Variants in HTT-AS observed in about 807,000 individuals in gnomAD.
The protein encoded by HTT-AS is HTT antisense RNA (head to head).
intron 1 of HTT-AS, among the ~76,000 whole-genome samples, chr4:3,066,545 TTCCACTTTGGGG>T (rs776842864): frequency 1.3e-4 from 20 of 152,106 alleles, no homozygotes; most frequent in South Asian, 2.1e-4. Flanking sequence ...GGCAATTCCT[TTCCACTTTGGGG>T]TCCACTTTGG....
intron 2 of HTT-AS, among the ~76,000 whole-genome samples, chr4:3,053,908 T>C (rs537842783): frequency 5.3e-5 from 8 of 151,986 alleles, no homozygotes; most frequent in Non-Finnish European, 8.8e-5. Context: ...TATAGGCATA[T>C]GCCACCATGC....
intron 1 of HTT-AS, among the ~76,000 whole-genome samples, chr4:3,073,659 G>A (rs1712259977): frequency 6.6e-6 from 1 of 151,540 alleles, no homozygotes; most frequent in African/African-American, 2.4e-5. Flanking sequence ...GCGCTGCGCT[G>A]GGACCGATGG....
chr4:3,056,316 T>G (rs931311934), intron 2 of HTT-AS, among the ~76,000 whole-genome samples: 2 of 152,102 alleles, frequency 1.3e-5, no homozygotes, highest in Non-Finnish European at 2.9e-5. Context: ...CAGAACAAAT[T>G]TACAGACAAA....
At chr4:3,069,710 T>C (rs373797564) in intron 1 of HTT-AS, among the ~76,000 whole-genome samples, 9 of 152,304 alleles carry the variant, frequency 5.9e-5, no homozygotes, top group African/African-American at 2.2e-4. Context: ...CCCCCGCCGC[T>C]GTCCTGCGCC....
intron 2 of HTT-AS, among the ~76,000 whole-genome samples, chr4:3,061,677 C>A (rs536371963): frequency 8.6e-6 from 1 of 116,634 alleles, no homozygotes. Context: ...AGTGAAACTC[C>A]ATCTCAGAAA....
At chr4:3,055,520 T>C (rs1015521809) in intron 2 of HTT-AS, among the ~76,000 whole-genome samples, 1 of 152,222 alleles carries the variant, frequency 6.6e-6, no homozygotes, top group Non-Finnish European at 1.5e-5. Context: ...AGATTTGATT[T>C]TTGGGAGCCT....
At chr4:3,054,845 G>A (rs1711777078) in intron 2 of HTT-AS, among the ~76,000 whole-genome samples, 1 of 151,858 alleles carries the variant, frequency 6.6e-6, no homozygotes, top group Non-Finnish European at 1.5e-5. Context: ...CTCTGGAGTA[G>A]CTGTGATTAT....
At chr4:3,057,783 G>A (rs1336766275) in intron 2 of HTT-AS, among the ~76,000 whole-genome samples, 4 of 151,476 alleles carry the variant, frequency 2.6e-5, no homozygotes, top group South Asian at 4.2e-4. Flanking sequence ...ATAGGCGCCC[G>A]CCTGTAATTT....
intron 1 of HTT-AS, among the ~76,000 whole-genome samples, chr4:3,071,107 T>C (rs973061747): frequency 1.3e-5 from 2 of 152,244 alleles, no homozygotes; most frequent in East Asian, 3.8e-4. Flanking sequence ...TTGTGATTTG[T>C]TGTGGCCATG....
intron 2 of HTT-AS, among the ~76,000 whole-genome samples, chr4:3,055,468 A>G (rs6815398): frequency 0.055 from 8,438 of 152,214 alleles, 426 homozygotes; most frequent in African/African-American, 0.13. Flanking sequence ...GCTGCAGCCT[A>G]TCTCCTTTGG....
At chr4:3,052,697 C>T (rs530188444) in intron 2 of HTT-AS, among the ~76,000 whole-genome samples, 14 of 152,126 alleles carry the variant, frequency 9.2e-5, no homozygotes, top group African/African-American at 3.1e-4. Context: ...GGTATAAAAA[C>T]GAGACCTCAG....
intron 2 of HTT-AS, among the ~76,000 whole-genome samples, chr4:3,049,910 A>T (rs1364445883): frequency 4.7e-4 from 44 of 94,034 alleles, no homozygotes; most frequent in South Asian, 2.8e-3. Context: ...AAGTTATCAC[A>T]CACACACACA....
chr4:3,062,736 C>T (rs1711958417), exon 2 of HTT-AS, among the ~76,000 whole-genome samples: 1 of 151,950 alleles, frequency 6.6e-6, no homozygotes, highest in East Asian at 1.9e-4. Flanking sequence ...TTAGAACAGA[C>T]TCTTGCGGTT....
In HTT-AS at chr4:3,059,917, G is replaced by GTTTTTTT. The variant is rs34372712; in HGVS notation, n.1380+2516_1380+2517insAAAAAAA. 5.9e-5 allele frequency among the ~76,000 whole-genome samples: 8 copies of GTTTTTTT among 136,240 alleles called. 1 individual carries two copies. The highest frequency in any genetic ancestry group is 4.7e-5 in the Non-Finnish European group (3 of 64,368). 89.4% of individuals were successfully genotyped at this position (136,240 alleles called of 152,430 possible). On this transcript the variant is annotated intron_variant and non_coding_transcript_variant, in intron 2 of 2. Coordinates refer to ENST00000664062, the Ensembl canonical transcript of HTT-AS. The stretch of plus-strand genomic sequence containing the variant: ...GTTGCTTTAACATCTTTGTCCCTGT[G>GTTTTTTT]TTTTTTGTTTTTTTTTTTGAGACGG...
chr4:3,062,166 A>C (rs1711939806), intron 2 of HTT-AS, among the ~76,000 whole-genome samples: 5 of 151,810 alleles, frequency 3.3e-5, no homozygotes. Flanking sequence ...AGTAGCTGGG[A>C]CCACAAGTGC....
At chr4:3,064,160 A>G (rs543194359) in intron 1 of HTT-AS, among the ~76,000 whole-genome samples, 71 of 150,314 alleles carry the variant, frequency 4.7e-4, no homozygotes, top group African/African-American at 1.7e-3. Flanking sequence ...CAATGGTGCA[A>G]TCTCAGCTCA....
exon 2 of HTT-AS, chr4:3,063,658 G>A (rs1711986672): frequency 6.6e-6 from 1 of 152,344 alleles, no homozygotes; most frequent in Non-Finnish European, 1.5e-5. Context: ...TCACCTGGGA[G>A]GGATGAGGCC....
At chr4:3,070,064 C>G (rs1436422964) in intron 1 of HTT-AS, 1 of 152,528 alleles carries the variant, frequency 6.6e-6, no homozygotes, top group Non-Finnish European at 1.5e-5. Context: ...GGCCTCTTCT[C>G]TCTTCTCGGC....
chr4:3,069,062 G>A (rs1392236025), intron 1 of HTT-AS, among the ~76,000 whole-genome samples: 1 of 152,118 alleles, frequency 6.6e-6, no homozygotes, highest in East Asian at 1.9e-4. Flanking sequence ...TAATCAAGAA[G>A]AGAATAGATT....
Sources: gnomAD v4.1 joint callset for allele counts (sites outside exome capture counted in the v4.1 genomes callset) on GRCh38, gnomAD v4.1.1 for gene constraint, MANE v1.5 for transcripts, NCBI Gene and HGNC (gene_info 2026-07-23, HGNC 2026-07-21) for gene names.